The following ADCY7 variants were observed in gnomAD, a reference collection of about 807,000 sequenced individuals.
ADCY7 encodes the protein adenylate cyclase 7.
Under a neutral mutation model 120.6 loss-of-function variants are expected in ADCY7, and 72 were observed. That is an observed-to-expected ratio of 0.60 (90% CI 0.49 to 0.73). The LOEUF (loss-of-function observed/expected upper bound fraction) is 0.73. ADCY7 is among the 30% of genes least tolerant of loss of function. The pLI is 0.00. For synonymous variants in ADCY7, 661 were observed against 628.0 expected (o/e 1.05, Z -0.78); for missense variants, 1,227 against 1,486.0 (o/e 0.83, Z 2.87).
At chr16:50,259,006 CCTTTTTCTTG>C (rs1193391859) in intron 1 of ADCY7, among the ~76,000 whole-genome samples, 3 of 152,072 alleles carry the variant, frequency 2.0e-5, no homozygotes, top group African/African-American at 7.2e-5. Context: ...CATTGTTTTT[CCTTTTTCTTG>C]CTTTTTCTTG....
intron 8 of ADCY7, among the ~76,000 whole-genome samples, chr16:50,299,917 G>A (rs758843510): frequency 5.3e-5 from 8 of 152,100 alleles, no homozygotes; most frequent in Admixed American, 1.3e-4. Flanking sequence ...AAGCTCTCCC[G>A]TGGGGCTCTG....
At chr16:50,308,596 C>T (rs1296825324) in intron 16 of ADCY7, 71 bp from the exon 17 acceptor site, 3 of 1,563,032 alleles carry the variant, frequency 1.9e-6, no homozygotes, top group African/African-American at 1.4e-5. Context: ...TACCCCTCCC[C>T]AGGCTGCCAG....
intron 1 of ADCY7, among the ~76,000 whole-genome samples, chr16:50,267,627 G>A (rs1258214697): frequency 2.0e-5 from 3 of 152,182 alleles, no homozygotes; most frequent in Non-Finnish European, 1.5e-5. Context: ...AGTGTTTCTC[G>A]GAGTGAGGAC....
rs577787818 is a variant in ADCY7, at chr16:50,313,580, G to A, written c.2752-378G>A. ...GGGCAGCTTGCTAAGATTAGACTCA[G>A]GCCCCTTAGCTTCATTTCCAACTAA... On this transcript the variant is annotated intron_variant, in intron 22 of 25. Coordinates refer to ENST00000673801, the MANE Select transcript of ADCY7 (RefSeq NM_001114.5). The A allele has an allele frequency of 2.5e-4, 58 of 230,392 alleles. 1 individual carries two copies. The highest frequency in any genetic ancestry group is 5.9e-5 in the Non-Finnish European group (7 of 118,758). The allele number at this position is 230,392 out of a possible 1,614,324, so 14.3% of individuals were successfully genotyped here. A position where few individuals can be genotyped will look rare whatever the true frequency, so the allele number is the denominator to read the frequency against.
At chr16:50,255,122 C>CAAAA (rs34287607) in intron 1 of ADCY7, among the ~76,000 whole-genome samples, 1,164 of 103,370 alleles carry the variant, frequency 0.011, 43 homozygotes, top group African/African-American at 0.045. Flanking sequence ...CTTGTCTCTA[C>CAAAA]AAAAAAAAAA....
chr16:50,254,634 T>C lies in ADCY7; in HGVS notation c.-64+8431T>C, dbSNP rs568963908. Among the ~76,000 whole-genome samples, 247 of 152,218 alleles carry C rather than the reference T, an allele frequency of 1.6e-3. 3 individuals are homozygous for C. Among genetic ancestry groups the C allele is most frequent in the African/African-American group, 5.7e-3 (237 of 41,540 alleles). ...ACCAAGAAATGGAACAAGATACAAA[T>C]AGATGGGATTTTATCCATGTTCATG... On this transcript the variant is annotated intron_variant, in intron 1 of 4. Transcript: ENST00000564044.
upstream of ADCY7, chr16:50,266,499 C>CGCCGCTGCT (rs551727340): frequency 4.2e-5 from 7 of 165,052 alleles, no homozygotes; most frequent in East Asian, 1.8e-4. Context: ...CTGCCGCCGC[C>CGCCGCTGCT]GCCGCTGCTG....
rs1259943924 is a variant in ADCY7, at chr16:50,301,190, C to T, written c.1344C>T (p.Arg448=). The T allele has an allele frequency of 6.2e-7, 1 of 1,607,018 alleles. No homozygotes were observed. The highest frequency in any genetic ancestry group is 8.5e-7 in the Non-Finnish European group (1 of 1,176,816). Residue 448 remains arginine, a synonymous_variant, in exon 10 of 26, where the codon CGC becomes CGT. Transcript: ENST00000673801. ...RDPYLKEMNI[R]TYLVIDPRSQ... is the part of the protein sequence containing the mutation. ...CCTACCTCAAGGAGATGAACATCCG[C>T]ACCTACCTGGTCATCGACCCCCGGG...
At chr16:50,267,510 C>T (rs764983107) in intron 1 of ADCY7, among the ~76,000 whole-genome samples, 10 of 152,140 alleles carry the variant, frequency 6.6e-5, no homozygotes, top group African/African-American at 1.4e-4. Context: ...AAGGCCTGGA[C>T]GGGCAGCCAG....
Position 50,304,909 on chromosome 16 carries a change from C to A in ADCY7, c.1561-16C>A. The A allele has an allele frequency of 6.2e-7, 1 of 1,613,748 alleles. No individual in the cohort carries two copies. The highest frequency in any genetic ancestry group is 8.5e-7 in the Non-Finnish European group (1 of 1,180,006). On this transcript the variant is annotated splice_polypyrimidine_tract_variant and intron_variant, in intron 11 of 25. Transcript: ENST00000673801. ...TTCTGGGGAATGACTGTATCCTTTC[C>A]TCCCTTCCCTTTCAGAGCGTTCCCC...
At chr16:50,291,665 G>T (rs988430085) in intron 3 of ADCY7, 71 bp from the exon 4 acceptor site, 6 of 1,591,988 alleles carry the variant, frequency 3.8e-6, no homozygotes, top group Non-Finnish European at 5.1e-6. Flanking sequence ...CTGCTGTGGT[G>T]CAGGGTTCCG....
At chr16:50,283,613 G>T (rs2034409968) in intron 1 of ADCY7, among the ~76,000 whole-genome samples, 1 of 152,238 alleles carries the variant, frequency 6.6e-6, no homozygotes, top group African/African-American at 2.4e-5. Flanking sequence ...CTCCCATGTG[G>T]ACACCTTCCC....
In ADCY7 at chr16:50,307,092, T is replaced by C; in HGVS notation, c.1795T>C (p.Cys599Arg). The C allele has an allele frequency of 6.2e-7, 1 of 1,611,654 alleles. No homozygotes were observed. Among genetic ancestry groups the C allele is most frequent in the Non-Finnish European group, 8.5e-7 (1 of 1,179,968 alleles). The change falls in exon 15 of 26, where the codon TGC becomes CGC. Residue 599 changes from cysteine (C) to arginine (R), a missense_variant. This residue lies in a region of ADCY7 where 332 missense variants were observed against 455.8 expected (regional missense o/e 0.73). Coordinates refer to ENST00000673801, the MANE Select transcript of ADCY7 (RefSeq NM_001114.5). Reference sequence around the variant, plus strand: ...CCCCCGGGCCCGCCACGACTTTGCCTGCGCCAGCCTGATCTTCGTCTGCAT... The same window carrying C: ...CCCCCGGGCCCGCCACGACTTTGCCCGCGCCAGCCTGATCTTCGTCTGCAT... ...PIPRARHDFACASLIFVCILL... is the reference protein window; with the variant it reads ...PIPRARHDFARASLIFVCILL...
rs1403931095 is a variant in ADCY7 at position 50,312,892 on chromosome 16, C to T, written c.2607C>T (p.Asp869=). Residue 869 remains aspartate (D), a splice_region_variant and synonymous_variant, in exon 22 of 26, where the codon GAC becomes GAT. Coordinates refer to ENST00000673801, the MANE Select transcript of ADCY7 (RefSeq NM_001114.5). Reference sequence around the variant, plus strand: ...AGGTCCGGTTTCTTCCCATCCAGGACTGGTACCATCAGTCCTATGACTGCG... The same window carrying T: ...AGGTCCGGTTTCTTCCCATCCAGGATTGGTACCATCAGTCCTATGACTGCG... ...AHFIGDKLNE[D]WYHQSYDCVC... is the part of the protein sequence containing the mutation. The T allele has an allele frequency of 6.2e-7, 1 of 1,614,130 alleles. No homozygotes were observed. The highest frequency in any genetic ancestry group is 8.5e-7 in the Non-Finnish European group (1 of 1,180,000).
At chr16:50,284,702 T>C (rs1431245444) in intron 1 of ADCY7, among the ~76,000 whole-genome samples, 1 of 152,208 alleles carries the variant, frequency 6.6e-6, no homozygotes. Flanking sequence ...GGGATGTCAG[T>C]GGGCAAGCCT....
rs2036869681 is a variant in ADCY7 at position 50,317,723 on chromosome 16, T to A, written c.*2218T>A. 6.6e-6 allele frequency: 1 copy of A among 152,400 alleles called. No homozygotes were observed. Among genetic ancestry groups the A allele is most frequent in the Non-Finnish European group, 1.5e-5 (1 of 68,046 alleles). 9.4% of individuals were successfully genotyped at this position (152,400 alleles called of 1,614,324 possible). A position where few individuals can be genotyped will look rare whatever the true frequency, so the allele number is the denominator to read the frequency against. ...TATTTTCTTTTTATGAACTTGTTTT[T>A]AAATTACCAAGTAATTACTGGTGTC... On this transcript the variant is annotated 3_prime_UTR_variant, in exon 26 of 26. Transcript: ENST00000673801.
At position 50,301,078 on chromosome 16, in the gene ADCY7, G is replaced by T. The variant is rs368277278; in HGVS notation, c.1236-4G>T. 6.2e-7 allele frequency: 1 copy of T among 1,613,026 alleles called. No individual in the cohort carries two copies. Among genetic ancestry groups the T allele is most frequent in the Non-Finnish European group, 8.5e-7 (1 of 1,179,554 alleles). ...AGGCTCTGCCTGACTTGGGTCTCCC[G>T]TAGCCGGGTGCACATCACGGAGGCC... is the stretch of plus-strand genomic sequence containing the variant. On this transcript the variant is annotated splice_polypyrimidine_tract_variant and splice_region_variant and intron_variant, in intron 9 of 25. Transcript: ENST00000673801.
At position 50,311,804 on chromosome 16, in the gene ADCY7, C is replaced by T. The variant is rs562080736; in HGVS notation, c.2448+18C>T. 3.8e-4 allele frequency: 462 copies of T among 1,225,932 alleles called. No homozygotes were observed. In the South Asian group the frequency reaches 5.3e-3, roughly 14 times the overall value. 75.9% of individuals were successfully genotyped at this position (1,225,932 alleles called of 1,614,324 possible). On this transcript the variant is annotated intron_variant, in intron 20 of 25. Transcript: ENST00000673801. The stretch of plus-strand genomic sequence containing the variant: ...CCAGACAGGTAAGGAGGCTGGCCCC[C>T]CCCCCCCCCCCAAGCTCTGCCCACT...
chr16:50,253,145 C>T (rs1263156757), intron 1 of ADCY7, among the ~76,000 whole-genome samples: 3 of 152,194 alleles, frequency 2.0e-5, no homozygotes, highest in Non-Finnish European at 2.9e-5. Flanking sequence ...CGGTTGTTTC[C>T]AGCATTTTCG....
Sources: gnomAD v4.1 joint callset for allele counts (sites outside exome capture counted in the v4.1 genomes callset) on GRCh38, gnomAD v4.1.1 for gene constraint, gnomAD v4.1.1 regional missense constraint, MANE v1.5 for transcripts, NCBI Gene and HGNC (gene_info 2026-07-23, HGNC 2026-07-21) for gene names.